The following SPIDR variants were observed in gnomAD, a reference collection of about 807,000 sequenced individuals.
SPIDR encodes the protein DNA repair-scaffolding protein.
In SPIDR, 93 loss-of-function variants were observed where a neutral mutation model predicts 104.6. That is an observed-to-expected ratio of 0.89 (90% CI 0.75 to 1.06). The LOEUF (loss-of-function observed/expected upper bound fraction) is 1.06. Ranked by LOEUF, SPIDR falls within the 50% of genes least tolerant of loss-of-function variation. The pLI is 0.00. For missense variants in SPIDR, 1,154 were observed against 1,111.2 expected (o/e 1.04, Z -0.55); for synonymous variants, 431 against 416.9 (o/e 1.03, Z -0.41).
chr8:47,595,939 G>C lies in SPIDR; in HGVS notation c.1226G>C (p.Arg409Thr), dbSNP rs1261418273. Residue 409 changes from arginine (R) to threonine (T), a missense_variant, in exon 9 of 20, where the codon AGA (arginine) becomes ACA (threonine). By Grantham distance (71) the Arg-to-Thr change is moderately conservative. Coordinates refer to ENST00000297423, the MANE Select transcript of SPIDR (RefSeq NM_001080394.4). ...TACTGTCCGGACATACCCCTTCCAA[G>C]AAGAAGCATCTCTTTGGCCCAGATG... ...EVYCPDIPLP[R>T]RSISLAQMFV... 2 of 1,614,016 alleles carry C rather than the reference G, an allele frequency of 1.2e-6. No individual in the cohort carries two copies. Among genetic ancestry groups the C allele is most frequent in the African/African-American group, 2.7e-5 (2 of 74,914 alleles).
rs537748434 is a variant in SPIDR, at chr8:47,609,486, CTTTATATTTTA to C, written c.1544+10295_1544+10305del. Among the ~76,000 whole-genome samples, 854 of 152,170 alleles carry C rather than the reference CTTTATATTTTA, an allele frequency of 5.6e-3. 3 individuals carry two copies. Among genetic ancestry groups the C allele is most frequent in the Non-Finnish European group, 9.6e-3 (654 of 67,996 alleles). On this transcript the variant is annotated intron_variant, in intron 10 of 19. Transcript: ENST00000297423. ...GATTATGTTTAGTACTAGTAGTAGT[CTTTATATTTTA>C]TTTAAATGTATATCTTATTTTTGGC...
intron 5 of SPIDR, among the ~76,000 whole-genome samples, chr8:47,360,244 CAAA>C (rs1186187617): frequency 2.6e-5 from 1 of 38,964 alleles, no homozygotes; most frequent in Non-Finnish European, 4.0e-5. Flanking sequence ...GACTCCATCT[CAAA>C]AAAAAAAAAA....
At chr8:47,713,894 G>A (rs1354262222) in intron 16 of SPIDR, among the ~76,000 whole-genome samples, 2 of 152,142 alleles carry the variant, frequency 1.3e-5, no homozygotes, top group African/African-American at 4.8e-5. Context: ...CTGGGCCCAC[G>A]TCTTAGTGGG....
At chr8:47,270,861 A>C (rs1172878334) in intron 1 of SPIDR, among the ~76,000 whole-genome samples, 21 of 151,652 alleles carry the variant, frequency 1.4e-4, no homozygotes, top group Admixed American at 1.4e-3. Context: ...ATACTTGTGA[A>C]TTTTCATTTT....
At chr8:47,587,641 T>C (rs941878956) in intron 8 of SPIDR, among the ~76,000 whole-genome samples, 1 of 141,504 alleles carries the variant, frequency 7.1e-6, no homozygotes, top group African/African-American at 2.6e-5. Flanking sequence ...AATCAACTGG[T>C]GCTGAGCATG....
In SPIDR at chr8:47,315,592, CTGA is replaced by C. The variant is rs587649401; in HGVS notation, c.525+21567_525+21569del. Reference sequence around the variant, plus strand: ...AGGACCTATGTTATACAAAGCAATCCTGATGATTTACAAGGTGGAAAACTTAAA... The same window carrying C: ...AGGACCTATGTTATACAAAGCAATCCTGATTTACAAGGTGGAAAACTTAAA... On this transcript the variant is annotated intron_variant, in intron 5 of 19. Transcript: ENST00000297423. Among the ~76,000 whole-genome samples, 29 of 152,122 alleles carry C rather than the reference CTGA, an allele frequency of 1.9e-4. 2 individuals are homozygous for C. In the South Asian group the frequency reaches 5.8e-3, roughly 30 times the overall value.
chr8:47,288,564 T>G (rs2039305519), intron 3 of SPIDR, among the ~76,000 whole-genome samples: 1 of 152,248 alleles, frequency 6.6e-6, no homozygotes, highest in South Asian at 2.1e-4. Context: ...ATTACAGGCG[T>G]GAGCCACCGC....
intron 5 of SPIDR, among the ~76,000 whole-genome samples, chr8:47,323,474 C>T (rs1354774686): frequency 2.0e-5 from 3 of 152,086 alleles, no homozygotes; most frequent in African/African-American, 7.2e-5. Flanking sequence ...ATGTATAGTG[C>T]TCTAGCTTTT....
chr8:47,598,846 CTT>C, intron 9 of SPIDR, 98 bp from the exon 10 acceptor site: 1 of 1,479,940 alleles, frequency 6.8e-7, no homozygotes, highest in Non-Finnish European at 9.2e-7. Context: ...TGGGTGGCTG[CTT>C]AAGGATGTCA....
intron 8 of SPIDR, among the ~76,000 whole-genome samples, chr8:47,524,321 T>G (rs1165602747): frequency 6.6e-6 from 1 of 152,212 alleles, no homozygotes; most frequent in Non-Finnish European, 1.5e-5. Context: ...TAAACCAGTT[T>G]AGGAAGCCTG....
At chr8:47,312,919 C>T (rs1251220403) in intron 5 of SPIDR, among the ~76,000 whole-genome samples, 8 of 152,102 alleles carry the variant, frequency 5.3e-5, no homozygotes, top group Non-Finnish European at 1.0e-4. Flanking sequence ...GGAAGGGATC[C>T]AGTTTCAGCT....
At chr8:47,611,464 C>A (rs1013896960) in intron 10 of SPIDR, among the ~76,000 whole-genome samples, 9 of 151,976 alleles carry the variant, frequency 5.9e-5, no homozygotes, top group South Asian at 2.1e-4. Context: ...TTTGGGAGGC[C>A]GAGACGGGCA....
At chr8:47,344,238 G>C (rs542148665) in intron 5 of SPIDR, among the ~76,000 whole-genome samples, 2 of 151,600 alleles carry the variant, frequency 1.3e-5, no homozygotes, top group East Asian at 3.9e-4. Context: ...CTGTCCTTGC[G>C]ATAGTTTGTT....
intron 10 of SPIDR, among the ~76,000 whole-genome samples, chr8:47,632,656 A>G (rs1025531602): frequency 6.6e-6 from 1 of 152,198 alleles, no homozygotes; most frequent in Non-Finnish European, 1.5e-5. Flanking sequence ...GTTTGACTTT[A>G]CATACTCAGG....
At chr8:47,546,699 G>A (rs61111713) in intron 8 of SPIDR, 4,160 of 155,718 alleles carry the variant, frequency 0.027, 186 homozygotes, top group African/African-American at 0.092. Context: ...TTGTTGATTT[G>A]AACCTTTTCT....
At chr8:47,355,454 G>C (rs1426236791) in intron 5 of SPIDR, among the ~76,000 whole-genome samples, 1 of 151,898 alleles carries the variant, frequency 6.6e-6, no homozygotes, top group African/African-American at 2.4e-5. Flanking sequence ...CTTAAAACCT[G>C]AACAGTGAAT....
chr8:47,509,471 G>A (rs2081996018), intron 8 of SPIDR, among the ~76,000 whole-genome samples: 1 of 152,170 alleles, frequency 6.6e-6, no homozygotes. Context: ...CTATGCAGAA[G>A]GTAGAAGTTT....
chr8:47,554,043 T>TCAGCAGAGGCTGCAGAA (rs1333109420), intron 8 of SPIDR, among the ~76,000 whole-genome samples: 2 of 152,182 alleles, frequency 1.3e-5, no homozygotes, highest in Non-Finnish European at 1.5e-5. Flanking sequence ...CTTGGTATCA[T>TCAGCAGAGGCTGCAGAA]CAGCAGAGGC....
intron 5 of SPIDR, among the ~76,000 whole-genome samples, chr8:47,343,330 T>G (rs1332831631): frequency 6.6e-6 from 1 of 152,146 alleles, no homozygotes; most frequent in Non-Finnish European, 1.5e-5. Flanking sequence ...GGTTAATATT[T>G]CTCATTCCCA....
Sources: gnomAD v4.1 joint callset for allele counts (sites outside exome capture counted in the v4.1 genomes callset) on GRCh38, gnomAD v4.1.1 for gene constraint, MANE v1.5 for transcripts, NCBI Gene and HGNC (gene_info 2026-07-23, HGNC 2026-07-21) for gene names.